The following RMND1 variants were observed in gnomAD, a reference collection of about 807,000 sequenced individuals.
RMND1 encodes the protein required for meiotic nuclear division protein 1 homolog.
In RMND1, 41 loss-of-function variants were observed where a neutral mutation model predicts 54.0. The observed-to-expected ratio is 0.76, with a 90% confidence interval of 0.59 to 0.98. The LOEUF (loss-of-function observed/expected upper bound fraction) is 0.98. Among genes scored for constraint, RMND1 ranks in the 50% least tolerant of loss-of-function variants. The probability of loss-of-function intolerance (pLI) is 0.00; values close to 1 mark genes in which losing one functional copy is unlikely to be tolerated. For missense variants in RMND1, 457 were observed against 532.0 expected, an observed-to-expected ratio of 0.86 and a Z score of 1.39; for synonymous variants, 183 against 181.7, an observed-to-expected ratio of 1.01 and a Z score of -0.06.
In RMND1 at chr6:151,441,059, A is replaced by C. The variant is rs1169989523; in HGVS notation, c.504+4249T>G. ...TACTTCAAAATGTTTTAAAAAACCC[A>C]AAAAGCAAAAACCCCAAACCACTGT... On this transcript the variant is annotated intron_variant, in intron 2 of 11. Coordinates refer to ENST00000444024, the MANE Select transcript of RMND1 (RefSeq NM_017909.4). 2.0e-5 allele frequency among the ~76,000 whole-genome samples: 3 copies of C among 152,236 alleles called. No individual in the cohort carries two copies. The East Asian group carries it at 5.8e-4, about 29-fold the overall frequency.
chr6:151,420,513 A>G (rs1386227760), intron 9 of RMND1, among the ~76,000 whole-genome samples: 1 of 152,186 alleles, frequency 6.6e-6, no homozygotes, highest in Non-Finnish European at 1.5e-5. Context: ...CATTCCGTAA[A>G]TCCTGGGACA....
At chr6:151,428,469 C>G (rs1349396456) in intron 5 of RMND1, among the ~76,000 whole-genome samples, 1 of 152,182 alleles carries the variant, frequency 6.6e-6, no homozygotes, top group Non-Finnish European at 1.5e-5. Flanking sequence ...GTGCAAAGGT[C>G]TTCATGGCTT....
intron 2 of RMND1, among the ~76,000 whole-genome samples, chr6:151,442,417 T>A (rs888325485): frequency 6.6e-6 from 1 of 152,232 alleles, no homozygotes; most frequent in Non-Finnish European, 1.5e-5. Flanking sequence ...ACAGTGCTAT[T>A]AGCCTGAAAA....
chr6:151,413,401 T>C (rs2114922875), intron 10 of RMND1, among the ~76,000 whole-genome samples: 1 of 152,236 alleles, frequency 6.6e-6, no homozygotes, highest in East Asian at 1.9e-4. Flanking sequence ...GGACTACAGG[T>C]GCATGCCACC....
At chr6:151,414,132 T>C (rs747562568) in intron 10 of RMND1, among the ~76,000 whole-genome samples, 29 of 152,266 alleles carry the variant, frequency 1.9e-4, no homozygotes, top group Middle Eastern at 3.4e-3. Flanking sequence ...TGTAGTGGCG[T>C]GATCATGGCT....
Position 151,405,813 on chromosome 6 carries a change from G to A in RMND1, c.1224C>T (p.His408=). The A allele has an allele frequency of 6.2e-7, 1 of 1,610,136 alleles. No homozygotes were observed. Among genetic ancestry groups the A allele is most frequent in the Non-Finnish European group, 8.5e-7 (1 of 1,176,684 alleles). The change falls in exon 11 of 12, where the codon CAC becomes CAT. Residue 408 remains histidine, a synonymous_variant. Coordinates refer to ENST00000444024, the MANE Select transcript of RMND1 (RefSeq NM_017909.4). ...GCATTAGATCTGTTAGTTCCATGCA[G>A]TGCTGAAGTTTTTCATTCATGACCT... ...RVKVMNEKLQ[H]CMELTDLMRN...
At chr6:151,427,682 G>A (rs1322443595) in intron 5 of RMND1, 100 bp from the exon 6 acceptor site, 1 of 680,828 alleles carries the variant, frequency 1.5e-6, no homozygotes, top group Non-Finnish European at 2.5e-6. Flanking sequence ...ACACTTACAG[G>A]CATTATTTCT....
chr6:151,425,937 CT>C (rs1266791489), intron 6 of RMND1, among the ~76,000 whole-genome samples: 1 of 140,068 alleles, frequency 7.1e-6, no homozygotes, highest in East Asian at 2.2e-4. Context: ...CAAAGCTCTG[CT>C]TTTAACGCTT....
chr6:151,424,463 CAAAA>C (rs35635686), intron 6 of RMND1, among the ~76,000 whole-genome samples: 1 of 103,500 alleles, frequency 9.7e-6, no homozygotes, highest in Admixed American at 1.0e-4. Flanking sequence ...ACTCTGTCTC[CAAAA>C]AAAAAAAAAA....
At chr6:151,427,234 GGC>G (rs1325808059) in intron 6 of RMND1, among the ~76,000 whole-genome samples, 2 of 152,154 alleles carry the variant, frequency 1.3e-5, no homozygotes, top group African/African-American at 4.8e-5. Flanking sequence ...AAATTAGCTG[GGC>G]GTGGTGGTGC....
chr6:151,410,342 A>G (rs549653371), intron 10 of RMND1, among the ~76,000 whole-genome samples: 56 of 152,264 alleles, frequency 3.7e-4, no homozygotes, highest in African/African-American at 1.3e-3. Flanking sequence ...GGCATGAGCC[A>G]CCGCACCCGG....
chr6:151,408,682 A>T (rs139259667), intron 10 of RMND1: 2 of 152,258 alleles, frequency 1.3e-5, no homozygotes, highest in East Asian at 3.8e-4. Context: ...GGTAAGCCCA[A>T]TGTAATCACA....
chr6:151,427,586 GAAGA>G lies in RMND1; in HGVS notation c.730-8_730-5del. On this transcript the variant is annotated splice_polypyrimidine_tract_variant and splice_region_variant and intron_variant, in intron 5 of 11. Transcript: ENST00000444024. ...GAACTTTCATCACATGCTTCATCTAGAAGAAAAGGAAGATTAATCTGAAATCATA... is the reference window on the plus strand; with the variant it reads ...GAACTTTCATCACATGCTTCATCTAGAAAGGAAGATTAATCTGAAATCATA... 1.3e-6 allele frequency: 2 copies of G among 1,565,726 alleles called. No homozygotes were observed.
Position 151,445,409 on chromosome 6 carries a change from A to C in RMND1, c.403T>G (p.Phe135Val). The C allele has an allele frequency of 1.9e-6, 3 of 1,614,084 alleles. No individual in the cohort carries two copies. The highest frequency in any genetic ancestry group is 2.5e-6 in the Non-Finnish European group (3 of 1,179,930). ...TGTGGGAAGTCTTGTTTTGGAACAA[A>C]TGTTTCCGTTGATACAGATGAGAAA... ...RHFSSVSTET[F>V]VPKQDFPQVK... The change falls in exon 2 of 12, where the codon TTT becomes GTT. Residue 135 changes from phenylalanine (F) to valine (V), a missense_variant. Physicochemically the swap from Phe to Val is conservative, Grantham distance 50. Coordinates refer to ENST00000444024, the MANE Select transcript of RMND1 (RefSeq NM_017909.4).
chr6:151,431,365 G>A (rs1780442936), intron 4 of RMND1, among the ~76,000 whole-genome samples: 2 of 152,098 alleles, frequency 1.3e-5, no homozygotes, highest in Admixed American at 1.3e-4. Flanking sequence ...AGAGTGTAGT[G>A]GTCAGAAATG....
chr6:151,445,579 C>T lies in RMND1; in HGVS notation c.233G>A (p.Ser78Asn). 6.2e-7 allele frequency: 1 copy of T among 1,614,184 alleles called. No homozygotes were observed. Among genetic ancestry groups the T allele is most frequent in the Non-Finnish European group, 8.5e-7 (1 of 1,180,036 alleles). ...AGCAGCATTTAATGGAGACAGCATG[C>T]TGGTATCTGACTTTTTTTGGTTCAT... is the stretch of plus-strand genomic sequence containing the variant. The part of the protein sequence containing the change: ...LEMNQKKSDT[S>N]MLSPLNAARC... Residue 78 changes from serine to asparagine, a missense_variant, in exon 2 of 12, where the codon AGC (serine) becomes AAC (asparagine). Transcript: ENST00000444024.
chr6:151,407,918 A>AC (rs1562781301), intron 10 of RMND1, among the ~76,000 whole-genome samples: 15 of 151,326 alleles, frequency 9.9e-5, no homozygotes, highest in Non-Finnish European at 1.5e-4. Flanking sequence ...CACACACACA[A>AC]AAAAAAGTCA....
chr6:151,447,023 G>A (rs567731174), intron 1 of RMND1, among the ~76,000 whole-genome samples: 26 of 152,112 alleles, frequency 1.7e-4, no homozygotes, highest in Non-Finnish European at 3.5e-4. Flanking sequence ...GAAAATGAAC[G>A]AGATGCACAA....
intron 1 of RMND1, among the ~76,000 whole-genome samples, chr6:151,450,920 T>C (rs996497300): frequency 1.3e-5 from 2 of 152,172 alleles, no homozygotes; most frequent in African/African-American, 4.8e-5. Context: ...CTGTGCTCTC[T>C]GAAACATGTG....
Sources: allele counts gnomAD v4.1 joint callset (sites outside exome capture counted in the v4.1 genomes callset), GRCh38; gene constraint gnomAD v4.1.1; transcripts MANE v1.5; gene names NCBI Gene and HGNC (gene_info 2026-07-23, HGNC 2026-07-21).